Variants in GRM7 observed in about 807,000 individuals in gnomAD.
GRM7 encodes the protein glutamate metabotropic receptor 7.
Under a neutral mutation model 84.5 loss-of-function variants are expected in GRM7, and 35 were observed. That is an observed-to-expected ratio of 0.41 (90% CI 0.32 to 0.55). The LOEUF is 0.55. Among genes scored for constraint, GRM7 ranks in the 20% least tolerant of loss-of-function variants. The pLI is 0.19. For synonymous variants in GRM7, 487 were observed against 455.1 expected, an observed-to-expected ratio of 1.07 and a Z score of -0.89; for missense variants, 1,003 against 1,194.6, an observed-to-expected ratio of 0.84 and a Z score of 2.36.
At chr3:7,099,368 A>G (rs1009324184) in intron 1 of GRM7, among the ~76,000 whole-genome samples, 8 of 147,260 alleles carry the variant, frequency 5.4e-5, no homozygotes, top group Admixed American at 4.1e-4. Flanking sequence ...ACATGTATAC[A>G]TATATACATA....
At chr3:7,318,917 T>C (rs557099297) in intron 4 of GRM7, among the ~76,000 whole-genome samples, 33 of 152,206 alleles carry the variant, frequency 2.2e-4, no homozygotes, top group Non-Finnish European at 2.1e-4. Context: ...CTTTTTTCTC[T>C]GAATTCACAT....
At chr3:6,958,926 T>G (rs1294041369) in intron 1 of GRM7, among the ~76,000 whole-genome samples, 1 of 151,940 alleles carries the variant, frequency 6.6e-6, no homozygotes, top group African/African-American at 2.4e-5. Context: ...GCAAAAAAAG[T>G]GAAAAGATTG....
At chr3:7,722,649 G>A (rs891932969) in intron 9 of GRM7, among the ~76,000 whole-genome samples, 6 of 151,986 alleles carry the variant, frequency 3.9e-5, no homozygotes, top group Non-Finnish European at 7.4e-5. Flanking sequence ...CACCACGTTG[G>A]CCAGGCTGGT....
intron 4 of GRM7, among the ~76,000 whole-genome samples, chr3:7,339,522 G>A (rs1389509661): frequency 6.6e-6 from 1 of 152,114 alleles, no homozygotes; most frequent in East Asian, 1.9e-4. Context: ...TTTGCACAGG[G>A]CATTGACACG....
chr3:6,935,131 T>C (rs992960749), intron 1 of GRM7, among the ~76,000 whole-genome samples: 3 of 152,256 alleles, frequency 2.0e-5, no homozygotes, highest in Non-Finnish European at 4.4e-5. Context: ...ATTCATGTTA[T>C]GTCCTTAGTT....
At chr3:6,903,281 CTTT>C (rs1696459604) in intron 1 of GRM7, among the ~76,000 whole-genome samples, 1 of 150,098 alleles carries the variant, frequency 6.7e-6, no homozygotes, top group Non-Finnish European at 1.5e-5. Flanking sequence ...TTATTGCATT[CTTT>C]GAGTCACTTC....
chr3:7,167,942 CT>C (rs1694855438), intron 2 of GRM7, among the ~76,000 whole-genome samples: 1 of 118,930 alleles, frequency 8.4e-6, no homozygotes, highest in African/African-American at 3.1e-5. Flanking sequence ...GCACTCTAGT[CT>C]AGCCTGGGCG....
At chr3:6,959,513 A>G (rs1575068979) in intron 1 of GRM7, among the ~76,000 whole-genome samples, 2 of 152,264 alleles carry the variant, frequency 1.3e-5, no homozygotes, top group East Asian at 3.9e-4. Context: ...ACCCTTTGTG[A>G]TGCTCTGTGA....
At chr3:7,686,328 A>G in intron 9 of GRM7, 2 of 871,292 alleles carry the variant, frequency 2.3e-6, no homozygotes, top group Non-Finnish European at 3.9e-6. Context: ...TTTATTTTAT[A>G]CATACCTATA....
intron 7 of GRM7, among the ~76,000 whole-genome samples, chr3:7,470,701 G>A (rs1698665382): frequency 6.6e-6 from 1 of 151,856 alleles, no homozygotes; most frequent in Non-Finnish European, 1.5e-5. Context: ...CTGCATTTTG[G>A]GCTCAGGCAA....
At chr3:6,946,399 G>A (rs1169902058) in intron 1 of GRM7, among the ~76,000 whole-genome samples, 1 of 152,164 alleles carries the variant, frequency 6.6e-6, no homozygotes, top group East Asian at 1.9e-4. Flanking sequence ...TGAGGGCTCT[G>A]TTATGTTCCA....
At chr3:7,073,612 A>G (rs917034586) in intron 1 of GRM7, among the ~76,000 whole-genome samples, 2 of 152,176 alleles carry the variant, frequency 1.3e-5, no homozygotes, top group Admixed American at 6.6e-5. Context: ...GAAACACTGC[A>G]TCTGTTGAAC....
intron 1 of GRM7, among the ~76,000 whole-genome samples, chr3:6,869,581 G>GTCTATCTAACTATCTATCTATCTATCTA (rs1695047420): frequency 2.0e-5 from 3 of 150,658 alleles, no homozygotes; most frequent in Non-Finnish European, 3.0e-5. Flanking sequence ...CTATCTATCT[G>GTCTATCTAACTATCTATCTATCTATCTA]TCTATCTATC....
At chr3:7,715,998 C>T (rs1701759722) in intron 9 of GRM7, among the ~76,000 whole-genome samples, 1 of 152,122 alleles carries the variant, frequency 6.6e-6, no homozygotes. Flanking sequence ...TTATTCTCAC[C>T]CCCTTCTAAT....
intron 2 of GRM7, among the ~76,000 whole-genome samples, chr3:7,227,031 G>C (rs1005825817): frequency 6.6e-6 from 1 of 152,062 alleles, no homozygotes; most frequent in African/African-American, 2.4e-5. Context: ...AAATTAACTA[G>C]AGATTAGAAG....
At position 7,310,147 on chromosome 3, in the gene GRM7, G is replaced by A. The variant is rs140859845; in HGVS notation, c.1033+3495G>A. Among the ~76,000 whole-genome samples the A allele has an allele frequency of 2.2e-3, 340 of 152,252 alleles. 1 individual carries two copies. Among genetic ancestry groups the A allele is most frequent in the African/African-American group, 7.7e-3 (320 of 41,548 alleles). The stretch of plus-strand genomic sequence containing the variant: ...CATCCTCTAATTATGGCCAACAAGG[G>A]TCATGGACCAGCATAATTTCATCTC... On this transcript the variant is annotated intron_variant, in intron 4 of 9. Coordinates refer to ENST00000357716, the MANE Select transcript of GRM7 (RefSeq NM_000844.4).
At chr3:7,449,689 G>A (rs914996307) in intron 5 of GRM7, among the ~76,000 whole-genome samples, 1 of 152,098 alleles carries the variant, frequency 6.6e-6, no homozygotes, top group East Asian at 1.9e-4. Context: ...TTGACATATA[G>A]TAAAGGCAGA....
chr3:7,130,554 AGAAAAG>A (rs1559459928), intron 1 of GRM7, among the ~76,000 whole-genome samples: 6 of 43,418 alleles, frequency 1.4e-4, no homozygotes, highest in East Asian at 4.1e-4. Context: ...AAAAAAAAAA[AGAAAAG>A]AAAAAAAAAA....
intron 5 of GRM7, among the ~76,000 whole-genome samples, chr3:7,441,737 C>A (rs770148667): frequency 6.6e-6 from 1 of 151,978 alleles, no homozygotes; most frequent in Non-Finnish European, 1.5e-5. Context: ...TTGAGTGAAT[C>A]CTTTTCCCAT....
Sources: gnomAD v4.1 joint callset for allele counts (sites outside exome capture counted in the v4.1 genomes callset) on GRCh38, gnomAD v4.1.1 for gene constraint, MANE v1.5 for transcripts, NCBI Gene and HGNC (gene_info 2026-07-23, HGNC 2026-07-21) for gene names.